PTPN2: variants seen among roughly 807,000 people sequenced by gnomAD.
PTPN2 encodes protein tyrosine phosphatase non-receptor type 2.
PTPN2 carries 19 observed loss-of-function variants against 57.3 expected under a neutral mutation model. The observed-to-expected ratio is 0.33, with a 90% confidence interval of 0.23 to 0.49. PTPN2 has a LOEUF of 0.49. Ranked by LOEUF, PTPN2 falls within the 20% of genes least tolerant of loss-of-function variation. The pLI, the probability that PTPN2 is intolerant of heterozygous loss-of-function variation, is 0.99. For missense variants in PTPN2, 358 were observed against 501.1 expected (o/e 0.71, Z 2.73); for synonymous variants, 153 against 164.9 (o/e 0.93, Z 0.55).
At chr18:12,863,561 G>C (rs1440786804) in intron 1 of PTPN2, 1 of 146,190 alleles carries the variant, frequency 6.8e-6, no homozygotes, top group African/African-American at 2.5e-5. Flanking sequence ...TGGGGGGGGG[G>C]GGGCAAGTGG....
At chr18:12,819,293 T>C (rs1211237040) in intron 5 of PTPN2, 2 of 1,321,018 alleles carry the variant, frequency 1.5e-6, no homozygotes, top group East Asian at 5.1e-5. Flanking sequence ...CTAAAAGCAA[T>C]AAAAAATTTC....
intron 2 of PTPN2, among the ~76,000 whole-genome samples, chr18:12,845,236 T>C (rs2043173056): frequency 6.6e-6 from 1 of 152,198 alleles, no homozygotes; most frequent in Non-Finnish European, 1.5e-5. Context: ...TAGGAACAAT[T>C]TGACACTATG....
intron 1 of PTPN2, among the ~76,000 whole-genome samples, chr18:12,877,519 A>AGCAG (rs2044529151): frequency 1.3e-5 from 2 of 152,262 alleles, no homozygotes; most frequent in Non-Finnish European, 2.9e-5. Flanking sequence ...GAGATTAGAC[A>AGCAG]GCAGGCAGGA....
chr18:12,850,913 T>C (rs537590285), intron 2 of PTPN2, among the ~76,000 whole-genome samples: 2 of 152,136 alleles, frequency 1.3e-5, no homozygotes, highest in Non-Finnish European at 2.9e-5. Flanking sequence ...CTAATCTTTG[T>C]ATTTTTAGTA....
At chr18:12,789,081 G>T (rs1462705764), downstream of PTPN2, among the ~76,000 whole-genome samples, 3 of 152,146 alleles carry the variant, frequency 2.0e-5, no homozygotes. Flanking sequence ...GGTAGAGCAG[G>T]GATTGAGGAG....
At chr18:12,798,753 A>AT (rs1460357444) in intron 8 of PTPN2, among the ~76,000 whole-genome samples, 2 of 152,180 alleles carry the variant, frequency 1.3e-5, no homozygotes, top group East Asian at 3.9e-4. Context: ...AATGATTTAT[A>AT]TTCTTTTGGG....
chr18:12,870,425 AC>A (rs2044199167), intron 1 of PTPN2, among the ~76,000 whole-genome samples: 1 of 47,420 alleles, frequency 2.1e-5, no homozygotes, highest in Non-Finnish European at 3.2e-5. Flanking sequence ...GTATATATAT[AC>A]GTATATATAT....
At position 12,794,137 on chromosome 18, in the gene PTPN2, C is replaced by T; in HGVS notation, c.*141G>A. ...GAGTCCTGAGATGTTGGGCTTGTGA[C>T]TGTAAATATCACTTATCTGGTTGAT... On this transcript the variant is annotated 3_prime_UTR_variant, in exon 9 of 9. Transcript: ENST00000309660. 2 of 1,464,582 alleles carry T rather than the reference C, an allele frequency of 1.4e-6. No individual in the cohort carries two copies. The allele number at this position is 1,464,582 out of a possible 1,614,324, so 90.7% of individuals were successfully genotyped here.
At chr18:12,875,423 G>T (rs2044455050) in intron 1 of PTPN2, among the ~76,000 whole-genome samples, 1 of 151,890 alleles carries the variant, frequency 6.6e-6, no homozygotes, top group South Asian at 2.1e-4. Flanking sequence ...CTCTTCCTCA[G>T]TTATCAGCTG....
intron 2 of PTPN2, among the ~76,000 whole-genome samples, chr18:12,852,932 T>C (rs191180948): frequency 6.6e-6 from 1 of 152,360 alleles, no homozygotes; most frequent in East Asian, 1.9e-4. Context: ...GCTACCATTC[T>C]TTTTCTTAAA....
chr18:12,801,780 G>A, intron 8 of PTPN2, 190 bp downstream of exon 8: 2 of 592,602 alleles, frequency 3.4e-6, no homozygotes, highest in South Asian at 3.8e-5. Context: ...TGTTGCCCAG[G>A]CTGGTTTCAA....
chr18:12,808,020 C>A (rs574200820), intron 7 of PTPN2, among the ~76,000 whole-genome samples: 18 of 151,836 alleles, frequency 1.2e-4, no homozygotes, highest in African/African-American at 4.3e-4. Flanking sequence ...CCAGTCTCTA[C>A]AAAAATTTAA....
chr18:12,791,126 T>C (rs988982426), downstream of PTPN2, among the ~76,000 whole-genome samples: 2 of 152,220 alleles, frequency 1.3e-5, no homozygotes, highest in Admixed American at 1.3e-4. Context: ...TGTGCAAGCA[T>C]AGATAAAACT....
rs117938576 is a variant in PTPN2, at chr18:12,818,109, G to A, written c.496-744C>T. 3.3e-3 allele frequency among the ~76,000 whole-genome samples: 497 copies of A among 152,136 alleles called. 4 individuals are homozygous for A. Among genetic ancestry groups the A allele is most frequent in the Non-Finnish European group, 2.5e-3 (172 of 68,006 alleles). ...GTGAGCAGAGATCGTGCCATTGCAC[G>A]CCAGCTTGGGCAACAAGAGTGAAAC... is the stretch of plus-strand genomic sequence containing the variant. On this transcript the variant is annotated intron_variant, in intron 5 of 8. Transcript: ENST00000309660.
At chr18:12,878,924 C>A (rs112455726) in intron 1 of PTPN2, among the ~76,000 whole-genome samples, 1 of 152,156 alleles carries the variant, frequency 6.6e-6, no homozygotes, top group Non-Finnish European at 1.5e-5. Context: ...CAACCCATAA[C>A]ATAGCTTTTG....
intron 1 of PTPN2, among the ~76,000 whole-genome samples, chr18:12,867,584 G>T (rs984867495): frequency 2.0e-5 from 3 of 152,094 alleles, no homozygotes; most frequent in South Asian, 2.1e-4. Flanking sequence ...ATCGGAACTG[G>T]GTTAGCTTCT....
intron 6 of PTPN2, among the ~76,000 whole-genome samples, chr18:12,816,940 G>A (rs1296309399): frequency 3.9e-5 from 6 of 152,002 alleles, no homozygotes; most frequent in Admixed American, 3.9e-4. Flanking sequence ...CACCTTCTTA[G>A]GGATCTCTAA....
At chr18:12,862,793 A>G (rs928943347) in intron 1 of PTPN2, 1 of 152,234 alleles carries the variant, frequency 6.6e-6, no homozygotes, top group Admixed American at 6.5e-5. Flanking sequence ...GGTGACATCA[A>G]GAAGCCACAG....
At chr18:12,869,651 TGTA>T (rs1301295499) in intron 1 of PTPN2, among the ~76,000 whole-genome samples, 1 of 152,218 alleles carries the variant, frequency 6.6e-6, no homozygotes, top group Non-Finnish European at 1.5e-5. Context: ...ACTGCTACGA[TGTA>T]GTAGCAAATA....
Sources: gnomAD v4.1 joint callset for allele counts (sites outside exome capture counted in the v4.1 genomes callset) on GRCh38, gnomAD v4.1.1 for gene constraint, MANE v1.5 for transcripts, NCBI Gene and HGNC (gene_info 2026-07-23, HGNC 2026-07-21) for gene names.